MCOLN1: variants seen among roughly 807,000 people sequenced by gnomAD.
MCOLN1 encodes the protein mucolipin TRP cation channel 1.
A neutral mutation model predicts 70.3 loss-of-function variants in MCOLN1; 50 were observed. The observed-to-expected ratio is 0.71, with a 90% CI of 0.57 to 0.90. MCOLN1 has a LOEUF of 0.90. Ranked by LOEUF, MCOLN1 falls within the 40% of genes least tolerant of loss-of-function variation. The pLI, the probability that MCOLN1 is intolerant of heterozygous loss-of-function variation, is 0.00. For missense variants in MCOLN1, 598 were observed against 803.5 expected (o/e 0.74, Z 3.09); for synonymous variants, 366 against 341.0 (o/e 1.07, Z -0.81).
In MCOLN1 at chr19:7,524,923, C is replaced by T. The variant is rs1035620365; in HGVS notation, c.32-38C>T. On this transcript the variant is annotated intron_variant, in intron 1 of 13. Coordinates refer to ENST00000264079, the MANE Select transcript of MCOLN1 (RefSeq NM_020533.3). This position sits in a 1 kb window ranked among gnomAD's most constrained non-coding sequence, Gnocchi z 4.1. ...TGGAGAAAGGGGAAAAGGGGAGTTG[C>T]CCAGGCCTCACCCCAGTGCCCTCTC... 2.5e-5 allele frequency: 39 copies of T among 1,564,574 alleles called. No individual in the cohort carries two copies. Among genetic ancestry groups the T allele is most frequent in the Non-Finnish European group, 3.1e-5 (35 of 1,137,128 alleles).
rs781015033 is a variant in MCOLN1, at chr19:7,525,053, C to T, written c.124C>T (p.Arg42Cys). The T allele has an allele frequency of 5.6e-6, 9 of 1,614,012 alleles. No homozygotes were observed. Among genetic ancestry groups the T allele is most frequent in the African/African-American group, 1.3e-5 (1 of 74,930 alleles). Residue 42 changes from arginine to cysteine, a missense_variant, in exon 2 of 14, where the codon CGC becomes TGC. This residue lies in a region of MCOLN1 where 461 missense variants were observed against 588.4 expected (regional missense o/e 0.78). Transcript: ENST00000264079. This position sits in a 1 kb window ranked among gnomAD's most constrained non-coding sequence, Gnocchi z 4.2. The stretch of plus-strand genomic sequence containing the variant: ...GACACCCCCAGAAGAGGAAGACCTT[C>T]GCCGTCGTCTCAAATACTTTTTCAT... ...PPTPPEEEDL[R>C]RRLKYFFMSP...
At position 7,533,037 on chromosome 19, in the gene MCOLN1, G is replaced by A. The variant is rs374158757; in HGVS notation, c.1576-486G>A. On this transcript the variant is annotated intron_variant, in intron 12 of 13. Transcript: ENST00000264079. ...GGACCCTGCCACATCCAATGTCACC[G>A]GCAGATGGGTACACCCCCTTTTCCC... 5.2e-4 allele frequency among the ~76,000 whole-genome samples: 79 copies of A among 152,326 alleles called. 2 individuals are homozygous for A. In the South Asian group the frequency reaches 0.015, roughly 30 times the overall value.
Position 7,530,407 on chromosome 19 carries a change from C to G in MCOLN1, c.1481C>G (p.Ser494Cys). ...CGCAGCAGCCTGGTGTGGCTCTTCT[C>G]CCAGCTCTACCTTTACTCCTTCATC... ...QGRSSLVWLF[S>C]QLYLYSFISL... Residue 494 changes from serine (S) to cysteine (C), a missense_variant, in exon 12 of 14, where the codon TCC (serine) becomes TGC (cysteine). Physicochemically the swap from Ser to Cys is moderately radical, Grantham distance 112. This residue lies in a region of MCOLN1 where 78 missense variants were observed against 156.2 expected (regional missense o/e 0.50). Coordinates refer to ENST00000264079, the MANE Select transcript of MCOLN1 (RefSeq NM_020533.3). 1 of 1,613,798 alleles carries G rather than the reference C, an allele frequency of 6.2e-7. No homozygotes were observed. Among genetic ancestry groups the G allele is most frequent in the Non-Finnish European group, 8.5e-7 (1 of 1,180,030 alleles).
intron 1 of MCOLN1, among the ~76,000 whole-genome samples, chr19:7,523,347 T>C (rs1357052237): frequency 6.6e-6 from 1 of 152,220 alleles, no homozygotes; most frequent in African/African-American, 2.4e-5. Flanking sequence ...AGACCCCTTG[T>C]GTTAGCTTCC....
chr19:7,528,758 T>C lies in MCOLN1; in HGVS notation c.984+55T>C, dbSNP rs944527077. On this transcript the variant is annotated intron_variant, in intron 8 of 13. Transcript: ENST00000264079. This position sits in a 1 kb window ranked among gnomAD's most constrained non-coding sequence, Gnocchi z 4.2. ...TCCTCCCCGCCTGGCCCTGGGGCGA[T>C]AAAAGCCAGGGCTTTGAGGGTCCTG... The C allele has an allele frequency of 3.6e-5, 58 of 1,614,060 alleles. No individual in the cohort carries two copies. Among genetic ancestry groups the C allele is most frequent in the Admixed American group, 1.7e-4 (10 of 59,988 alleles).
intron 10 of MCOLN1, 89 bp from the exon 11 acceptor site, chr19:7,529,501 G>GGCCCCCCCCCC: frequency 4.0e-6 from 3 of 747,248 alleles, no homozygotes; most frequent in Non-Finnish European, 6.9e-6. Context: ...CCTCGGCAAG[G>GGCCCCCCCCCC]CCCCGCCCCT....
intron 5 of MCOLN1, 104 bp downstream of exon 5, chr19:7,527,732 C>A: frequency 2.8e-6 from 3 of 1,080,718 alleles, no homozygotes; most frequent in Non-Finnish European, 4.3e-6. Context: ...GGCCCCCCCG[C>A]CCGCGCTGGT....
intron 10 of MCOLN1, 33 bp from the exon 11 acceptor site, chr19:7,529,532 CACAGCTGACCTGAGTTGTGGCCACA>C: frequency 6.4e-7 from 1 of 1,553,738 alleles, no homozygotes; most frequent in Non-Finnish European, 8.7e-7. Context: ...TCTGGGTGCC[CACAGCTGACCTGAGTTGTGGCCACA>C]CCCTCAACGA....
chr19:7,523,623 G>A (rs985455449), intron 1 of MCOLN1, among the ~76,000 whole-genome samples: 1 of 152,242 alleles, frequency 6.6e-6, no homozygotes, highest in African/African-American at 2.4e-5. Flanking sequence ...CACGGGGCCA[G>A]GCCCTAGAAA....
intron 4 of MCOLN1, chr19:7,527,308 G>T: frequency 2.6e-5 from 14 of 532,914 alleles, no homozygotes; most frequent in East Asian, 6.8e-5. Flanking sequence ...AGTATGCTTA[G>T]TGTGAGTGTG....
In MCOLN1 at chr19:7,522,652, A is replaced by C. The variant is rs2022509470; in HGVS notation, c.-99A>C. On this transcript the variant is annotated 5_prime_UTR_variant, in exon 1 of 14. Coordinates refer to ENST00000264079, the MANE Select transcript of MCOLN1 (RefSeq NM_020533.3). ...GATCAGCTGATGCCGGAGGGTTTGA[A>C]GCCGCGCCGCGAGGGAGCGAGGTCG... is the stretch of plus-strand genomic sequence containing the variant. 1 of 1,304,228 alleles carries C rather than the reference A, an allele frequency of 7.7e-7. No individual in the cohort carries two copies. Among genetic ancestry groups the C allele is most frequent in the African/African-American group, 1.5e-5 (1 of 64,900 alleles). 80.8% of individuals were successfully genotyped at this position (1,304,228 alleles called of 1,614,324 possible).
In MCOLN1 at chr19:7,526,945, G is replaced by C; in HGVS notation, c.571+19G>C. The C allele has an allele frequency of 6.2e-7, 1 of 1,614,006 alleles. No individual in the cohort carries two copies. The highest frequency in any genetic ancestry group is 8.5e-7 in the Non-Finnish European group (1 of 1,180,014). On this transcript the variant is annotated intron_variant, in intron 4 of 13. Coordinates refer to ENST00000264079, the MANE Select transcript of MCOLN1 (RefSeq NM_020533.3). This position sits in a 1 kb window ranked among gnomAD's most constrained non-coding sequence, Gnocchi z 4.6. The stretch of plus-strand genomic sequence containing the variant: ...GTTACTGGTGAGTGGGCAGGACGAG[G>C]CTTCACTGTTGGGAGCCTGAGCTGC...
At position 7,533,637 on chromosome 19, in the gene MCOLN1, C is replaced by G. The variant is rs764808010; in HGVS notation, c.1690C>G (p.Leu564Val). Reference sequence around the variant, plus strand: ...CGGGAGCGGCTCGGCCTGCAGCCTTCTCTGCTGCTGCGGAAGGTTCGAGTC... The same window carrying G: ...CGGGAGCGGCTCGGCCTGCAGCCTTGTCTGCTGCTGCGGAAGGTTCGAGTC... ...RRGSGSACSL[L>V]CCCGRDPSEE... The change falls in exon 13 of 14, where the codon CTC becomes GTC. Residue 564 changes from leucine to valine, a missense_variant. Around this residue, in one of 3 missense-constraint regions of MCOLN1, gnomAD observed 59 missense variants for 58.8 expected, o/e 1.00. Transcript: ENST00000264079. 11 of 1,613,054 alleles carry G rather than the reference C, an allele frequency of 6.8e-6. No homozygotes were observed. In the South Asian group the frequency reaches 8.8e-5, roughly 13 times the overall value.
Position 7,526,389 on chromosome 19 carries a change from C to A in MCOLN1, c.238-50C>A. 1 of 1,609,522 alleles carries A rather than the reference C, an allele frequency of 6.2e-7. No individual in the cohort carries two copies. ...CAGGGCCTGTGCCCTGAGGGAGATA[C>A]ACCCCAACCCCCATCCTAGCCATGC... On this transcript the variant is annotated intron_variant, in intron 2 of 13. Transcript: ENST00000264079. This position sits in a 1 kb window ranked among gnomAD's most constrained non-coding sequence, Gnocchi z 4.6.
At position 7,527,562 on chromosome 19, in the gene MCOLN1, C is replaced by T. The variant is rs748095297; in HGVS notation, c.614C>T (p.Pro205Leu). The change falls in exon 5 of 14, where the codon CCC (proline) becomes CTC (leucine). Residue 205 changes from proline (P) to leucine (L), a missense_variant. Physicochemically the swap from Pro to Leu is moderately conservative, Grantham distance 98. Transcript: ENST00000264079. ...CCCCCCGAGCGGCCCCCTCCGCCCC[C>T]CAGCGACGATCTCACCCTCTTGGAA... ...VDPPERPPPP[P>L]SDDLTLLESS... 6.2e-7 allele frequency: 1 copy of T among 1,612,572 alleles called. No homozygotes were observed. Among genetic ancestry groups the T allele is most frequent in the Non-Finnish European group, 8.5e-7 (1 of 1,178,556 alleles).
In MCOLN1 at chr19:7,526,535, G is replaced by A. The variant is rs760208874; in HGVS notation, c.334G>A (p.Gly112Arg). The A allele has an allele frequency of 2.5e-6, 4 of 1,614,090 alleles. No individual in the cohort carries two copies. The highest frequency in any genetic ancestry group is 1.7e-5 in the Admixed American group (1 of 60,004). The change falls in exon 3 of 14, where the codon GGA becomes AGA. Residue 112 changes from glycine to arginine, a missense_variant. By Grantham distance (125) the Gly-to-Arg change is moderately radical. Coordinates refer to ENST00000264079, the MANE Select transcript of MCOLN1 (RefSeq NM_020533.3). This position sits in a 1 kb window ranked among gnomAD's most constrained non-coding sequence, Gnocchi z 4.6. ...RHLFLLGYSD[G>R]ADDTFAAYTR... ...CCTCTTCCTGCTGGGCTACTCGGAC[G>A]GAGCGGATGACACCTTCGCAGCCTA...
chr19:7,529,939 G>A lies in MCOLN1; in HGVS notation c.1359+227G>A, dbSNP rs558419285. Among the ~76,000 whole-genome samples, 41 of 152,280 alleles carry A rather than the reference G, an allele frequency of 2.7e-4. 1 individual carries two copies. In the South Asian group the frequency reaches 3.9e-3, roughly 15 times the overall value. On this transcript the variant is annotated intron_variant, in intron 11 of 13. Coordinates refer to ENST00000264079, the MANE Select transcript of MCOLN1 (RefSeq NM_020533.3). Reference sequence around the variant, plus strand: ...CTCTATCTACCCAGACCCTAGGTCGGCCCTGTGGCCCTGTCATTGACCCGT... The same window carrying A: ...CTCTATCTACCCAGACCCTAGGTCGACCCTGTGGCCCTGTCATTGACCCGT...
At position 7,523,990 on chromosome 19, in the gene MCOLN1, C is replaced by A. The variant is rs551061126; in HGVS notation, c.32-971C>A. 2.0e-5 allele frequency among the ~76,000 whole-genome samples: 3 copies of A among 151,984 alleles called. No individual in the cohort carries two copies. In the South Asian group the frequency reaches 6.2e-4, roughly 32 times the overall value. On this transcript the variant is annotated intron_variant, in intron 1 of 13. Coordinates refer to ENST00000264079, the MANE Select transcript of MCOLN1 (RefSeq NM_020533.3). Reference sequence around the variant, plus strand: ...GCCTCCCGGGTAGATGGGGTCCCAGCTACTAACTACGGGCATGAGCCGTCA... The same window carrying A: ...GCCTCCCGGGTAGATGGGGTCCCAGATACTAACTACGGGCATGAGCCGTCA...
At chr19:7,533,487 C>A in intron 12 of MCOLN1, 36 bp from the exon 13 acceptor site, 5 of 1,609,356 alleles carry the variant, frequency 3.1e-6, no homozygotes, top group Non-Finnish European at 3.4e-6. Context: ...GGTTGGGAGC[C>A]ACTTTCAGGC....
Sources: allele counts gnomAD v4.1 joint callset (sites outside exome capture counted in the v4.1 genomes callset), GRCh38; gene constraint gnomAD v4.1.1; regional missense constraint gnomAD v4.1.1; non-coding constraint Gnocchi (gnomAD v3.1); transcripts MANE v1.5; gene names NCBI Gene and HGNC (gene_info 2026-07-23, HGNC 2026-07-21).